Variants in CTNNA1 observed in about 807,000 individuals in gnomAD.
The protein encoded by CTNNA1 is catenin alpha-1.
A neutral mutation model predicts 98.4 loss-of-function variants in CTNNA1; 37 were observed. The ratio of observed to expected loss-of-function variants is 0.38; its 90% CI spans 0.29 to 0.49. CTNNA1 has a LOEUF of 0.49. Ranked by LOEUF, CTNNA1 falls within the 20% of genes least tolerant of loss-of-function variation. The pLI is 0.95. For missense variants in CTNNA1, 761 were observed against 1,147.2 expected, an observed-to-expected ratio of 0.66 and a Z score of 4.86; for synonymous variants, 404 against 413.2, an observed-to-expected ratio of 0.98 and a Z score of 0.27.
At chr5:138,777,889 GAGGAGGGAGAGGGA>G (rs1203101594) in intron 1 of CTNNA1, among the ~76,000 whole-genome samples, 88 of 39,682 alleles carry the variant, frequency 2.2e-3, no homozygotes, top group African/African-American at 5.7e-3. Flanking sequence ...GGGAGAGGGA[GAGGAGGGAGAGGGA>G]GAGGAGGGAG....
chr5:138,862,925 C>T (rs969219003), intron 7 of CTNNA1, among the ~76,000 whole-genome samples: 1 of 152,328 alleles, frequency 6.6e-6, no homozygotes, highest in African/African-American at 2.4e-5. Context: ...CTACACGTTG[C>T]TATTAAAAAT....
chr5:138,816,990 C>T (rs932414640), intron 5 of CTNNA1, among the ~76,000 whole-genome samples: 37 of 152,160 alleles, frequency 2.4e-4, no homozygotes, highest in Admixed American at 1.8e-3. Context: ...TGTGACCCAC[C>T]GTGCCCGGCT....
intron 8 of CTNNA1, among the ~76,000 whole-genome samples, chr5:138,887,129 T>A (rs1754243432): frequency 6.6e-6 from 1 of 152,086 alleles, no homozygotes; most frequent in Non-Finnish European, 1.5e-5. Context: ...ATTAGGCTAA[T>A]TATATATATA....
chr5:138,896,819 T>C (rs1432721550), intron 9 of CTNNA1, among the ~76,000 whole-genome samples: 1 of 152,234 alleles, frequency 6.6e-6, no homozygotes, highest in East Asian at 1.9e-4. Context: ...TAAAGTGTAC[T>C]GAGGTGAAGA....
At chr5:138,829,784 G>T (rs973766930) in intron 7 of CTNNA1, among the ~76,000 whole-genome samples, 1 of 152,208 alleles carries the variant, frequency 6.6e-6, no homozygotes, top group Non-Finnish European at 1.5e-5. Flanking sequence ...GGGCACGGTG[G>T]CTCACGCCTG....
chr5:138,889,897 C>T (rs1262347518), intron 9 of CTNNA1, among the ~76,000 whole-genome samples: 2 of 152,126 alleles, frequency 1.3e-5, no homozygotes, highest in African/African-American at 4.8e-5. Flanking sequence ...TTGTAGAAGC[C>T]TCAAATTCCT....
intron 7 of CTNNA1, among the ~76,000 whole-genome samples, chr5:138,866,166 G>A (rs1028311696): frequency 2.0e-5 from 3 of 152,032 alleles, no homozygotes; most frequent in Admixed American, 6.6e-5. Flanking sequence ...GCAAAAATTA[G>A]CCAGTCTCAT....
intron 13 of CTNNA1, among the ~76,000 whole-genome samples, chr5:138,928,928 T>A (rs1024278996): frequency 1.4e-5 from 2 of 146,110 alleles, no homozygotes; most frequent in African/African-American, 5.1e-5. Flanking sequence ...AGAGCGAGAC[T>A]CTGTCTCAAA....
At chr5:138,837,077 G>A (rs1281573665) in intron 7 of CTNNA1, among the ~76,000 whole-genome samples, 1 of 151,962 alleles carries the variant, frequency 6.6e-6, no homozygotes, top group Non-Finnish European at 1.5e-5. Flanking sequence ...ATGTTGATTC[G>A]TCCTTTCGAG....
At chr5:138,862,643 CATATCTA>C (rs772478342) in intron 7 of CTNNA1, among the ~76,000 whole-genome samples, 56 of 152,176 alleles carry the variant, frequency 3.7e-4, no homozygotes, top group Non-Finnish European at 7.4e-4. Flanking sequence ...AGAGTAATAT[CATATCTA>C]ATATTATAGT....
chr5:138,770,150 A>G (rs1753381618), intron 1 of CTNNA1, among the ~76,000 whole-genome samples: 1 of 152,148 alleles, frequency 6.6e-6, no homozygotes, highest in Admixed American at 6.5e-5. Context: ...TTTATTTTTT[A>G]AAAAATGATT....
At chr5:138,803,353 A>T (rs1044525599) in intron 3 of CTNNA1, among the ~76,000 whole-genome samples, 4 of 152,004 alleles carry the variant, frequency 2.6e-5, no homozygotes, top group Admixed American at 2.6e-4. Flanking sequence ...ATGAGGTCTC[A>T]CAATGTTACG....
chr5:138,930,182 A>G (rs545298711), intron 14 of CTNNA1, among the ~76,000 whole-genome samples: 68 of 152,342 alleles, frequency 4.5e-4, no homozygotes, highest in African/African-American at 1.5e-3. Context: ...ATTAATAAGA[A>G]TTAAGCAGGT....
rs73269606 is a variant in CTNNA1, at chr5:138,808,140, G to C, written c.302-1898G>C. Among the ~76,000 whole-genome samples the C allele has an allele frequency of 2.2e-3, 329 of 152,256 alleles. 2 individuals are homozygous for C. Among genetic ancestry groups the C allele is most frequent in the African/African-American group, 7.5e-3 (311 of 41,536 alleles). On this transcript the variant is annotated intron_variant, in intron 3 of 17. Transcript: ENST00000302763. ...TTCCCTGAGTAAATAGTTTTCTTCA[G>C]CGTATTTCCAGAGCACCTTGTTCAC... is the stretch of plus-strand genomic sequence containing the variant.
chr5:138,889,103 A>G (rs1273813995), intron 9 of CTNNA1, among the ~76,000 whole-genome samples: 2 of 152,214 alleles, frequency 1.3e-5, no homozygotes. Context: ...ACTTCCAGAT[A>G]CACACAGATT....
intron 7 of CTNNA1, among the ~76,000 whole-genome samples, chr5:138,862,064 A>G (rs1257001663): frequency 6.6e-6 from 1 of 152,182 alleles, no homozygotes; most frequent in African/African-American, 2.4e-5. Flanking sequence ...GGGTCATAAG[A>G]TCTGATAAGT....
intron 3 of CTNNA1, among the ~76,000 whole-genome samples, chr5:138,795,753 T>C (rs1030782724): frequency 1.3e-5 from 2 of 151,468 alleles, no homozygotes; most frequent in East Asian, 1.9e-4. Flanking sequence ...CTTTCTCTCT[T>C]TTTTTTTTCT....
In CTNNA1 at chr5:138,889,733, A is replaced by G. The variant is rs573482837; in HGVS notation, c.1296+2091A>G. 4.1e-5 allele frequency among the ~76,000 whole-genome samples: 6 copies of G among 145,872 alleles called. No individual in the cohort carries two copies. The South Asian group carries it at 1.3e-3, about 31-fold the overall frequency. On this transcript the variant is annotated intron_variant, in intron 9 of 17. Coordinates refer to ENST00000302763, the MANE Select transcript of CTNNA1 (RefSeq NM_001903.5). ...CTCTCCACACCCCCACACGTTAACTATGCATTAAATGACACATGGCTTTTC... is the reference window on the plus strand; with the variant it reads ...CTCTCCACACCCCCACACGTTAACTGTGCATTAAATGACACATGGCTTTTC...
Position 138,917,682 on chromosome 5 carries a change from T to C in CTNNA1, c.1390-60T>C. 6 of 1,568,188 alleles carry C rather than the reference T, an allele frequency of 3.8e-6. No homozygotes were observed. The South Asian group carries it at 7.0e-5, about 18-fold the overall frequency. On this transcript the variant is annotated intron_variant, in intron 10 of 17. Transcript: ENST00000302763. ...GTGTGATGTCTCCTAGTGAAATGCA[T>C]GTAAGACAAAGCCATGACTCTGAAA...
Sources: gnomAD v4.1 joint callset for allele counts (sites outside exome capture counted in the v4.1 genomes callset) on GRCh38, gnomAD v4.1.1 for gene constraint, MANE v1.5 for transcripts, NCBI Gene and HGNC (gene_info 2026-07-23, HGNC 2026-07-21) for gene names.